The following FBXO27 variants were observed in gnomAD, a reference collection of about 807,000 sequenced individuals.
FBXO27 encodes the protein F-box protein 27.
In FBXO27, 28 loss-of-function variants were observed where a neutral mutation model predicts 28.3. The observed-to-expected ratio is 0.99, with a 90% CI of 0.73 to 1.36. The LOEUF (loss-of-function observed/expected upper bound fraction) is 1.36, where lower values mean the gene tolerates loss of function less well. FBXO27 is among the 40% of genes most tolerant of loss of function. FBXO27 has a pLI of 0.00. For missense variants in FBXO27, 388 were observed against 394.1 expected, an observed-to-expected ratio of 0.98 and a Z score of 0.13; for synonymous variants, 175 against 167.3, an observed-to-expected ratio of 1.05 and a Z score of -0.36.
At position 39,025,291 on chromosome 19, in the gene FBXO27, A is replaced by C; in HGVS notation, c.*120T>G. The C allele has an allele frequency of 4.5e-6, 6 of 1,339,810 alleles. No homozygotes were observed. Among genetic ancestry groups the C allele is most frequent in the Non-Finnish European group, 6.1e-6 (6 of 981,842 alleles). 83.0% of individuals were successfully genotyped at this position (1,339,810 alleles called of 1,614,324 possible). ...CCCGTCAGGGCCTTTGATTGGACCC[A>C]GGAATTCTCAGTATGCCAGGGAGGT... On this transcript the variant is annotated 3_prime_UTR_variant, in exon 6 of 6. Transcript: ENST00000292853.
At chr19:39,030,883 TA>T in intron 4 of FBXO27, 145 bp downstream of exon 4, 1 of 735,598 alleles carries the variant, frequency 1.4e-6, no homozygotes, top group Non-Finnish European at 2.4e-6. Flanking sequence ...GCTGGGATTA[TA>T]GGTGTGAGCC....
downstream of FBXO27, among the ~76,000 whole-genome samples, chr19:39,019,765 T>G (rs2072836896): frequency 6.6e-6 from 1 of 151,940 alleles, no homozygotes; most frequent in Non-Finnish European, 1.5e-5. Flanking sequence ...TGTTTGTTTG[T>G]TTTTGAGACA....
At chr19:39,027,272 A>G (rs1056824219) in intron 4 of FBXO27, among the ~76,000 whole-genome samples, 7 of 152,310 alleles carry the variant, frequency 4.6e-5, no homozygotes, top group Non-Finnish European at 7.3e-5. Context: ...GTCTCCGGAA[A>G]GACCCACAAT....
downstream of FBXO27, among the ~76,000 whole-genome samples, chr19:39,021,305 G>A (rs975436669): frequency 6.6e-6 from 1 of 152,092 alleles, no homozygotes; most frequent in African/African-American, 2.4e-5. Context: ...AAACTATGAT[G>A]TATTTCTGTA....
At chr19:39,023,199 G>C (rs770479555), downstream of FBXO27, among the ~76,000 whole-genome samples, 14 of 152,178 alleles carry the variant, frequency 9.2e-5, no homozygotes, top group Non-Finnish European at 1.8e-4. Context: ...GTCCCCCAGA[G>C]TACTGGGATT....
At chr19:39,006,849 C>T (rs1034127155) in intron 2 of FBXO27, among the ~76,000 whole-genome samples, 13 of 151,078 alleles carry the variant, frequency 8.6e-5, no homozygotes, top group African/African-American at 2.2e-4. Flanking sequence ...GAGGGTAAGG[C>T]GGGAAGATCA....
downstream of FBXO27, among the ~76,000 whole-genome samples, chr19:39,020,756 A>AAAAAAG: frequency 1.0e-4 from 1 of 9,872 alleles, no homozygotes; most frequent in East Asian, 4.3e-3. Flanking sequence ...TGGATATGGC[A>AAAAAAG]AAAAAAAAAA....
intron 1 of FBXO27, among the ~76,000 whole-genome samples, chr19:39,018,641 G>A (rs1365873067): frequency 6.6e-6 from 1 of 152,118 alleles, no homozygotes; most frequent in East Asian, 1.9e-4. Context: ...AGCTGCAGTT[G>A]CCTGACATTT....
chr19:39,008,850 T>C (rs1001783031), intron 2 of FBXO27, among the ~76,000 whole-genome samples: 3 of 152,226 alleles, frequency 2.0e-5, no homozygotes, highest in African/African-American at 7.2e-5. Context: ...AGACAGAGTC[T>C]CGCTCCATCG....
At chr19:39,010,886 A>G (rs1176382879) in intron 2 of FBXO27, among the ~76,000 whole-genome samples, 2 of 152,192 alleles carry the variant, frequency 1.3e-5, no homozygotes, top group Admixed American at 6.5e-5. Flanking sequence ...TTGGCCTTGA[A>G]TTCTTTCCTG....
At chr19:39,020,137 C>T (rs944952704), downstream of FBXO27, among the ~76,000 whole-genome samples, 8 of 151,990 alleles carry the variant, frequency 5.3e-5, no homozygotes, top group Non-Finnish European at 8.8e-5. Flanking sequence ...GGAAGAGAAG[C>T]AAGCACTTAA....
chr19:39,007,198 G>A (rs1388939534), intron 2 of FBXO27, among the ~76,000 whole-genome samples: 2 of 152,120 alleles, frequency 1.3e-5, no homozygotes, highest in East Asian at 3.9e-4. Flanking sequence ...CCCCAGTGTG[G>A]TGTTCCAGCC....
rs571565445 is a variant in FBXO27, at chr19:39,025,675, C to T, written c.709-121G>A. ...GGCTATAAAATCTCCAATTGGGCCA[C>T]ATGTTCTTCTAGAATCTTATAGAAT... On this transcript the variant is annotated intron_variant, in intron 5 of 5. Coordinates refer to ENST00000292853, the MANE Select transcript of FBXO27 (RefSeq NM_178820.5). 1,252 of 1,270,154 alleles carry T rather than the reference C, an allele frequency of 9.9e-4. 1 individual carries two copies. Among genetic ancestry groups the T allele is most frequent in the Non-Finnish European group, 1.3e-3 (1,197 of 937,968 alleles). The allele number at this position is 1,270,154 out of a possible 1,614,324, so 78.7% of individuals were successfully genotyped here.
chr19:39,007,621 C>CT (rs144095751), intron 2 of FBXO27, among the ~76,000 whole-genome samples: 1 of 151,852 alleles, frequency 6.6e-6, no homozygotes, highest in East Asian at 1.9e-4. Context: ...TGTGTTTGGG[C>CT]TTTTTTTCAA....
chr19:39,006,386 C>T (rs1210268144), intron 2 of FBXO27, among the ~76,000 whole-genome samples: 2 of 151,856 alleles, frequency 1.3e-5, no homozygotes, highest in African/African-American at 2.4e-5. Flanking sequence ...GGAGAAACCC[C>T]GTCTCTACTA....
chr19:39,008,988 T>G (rs1233541868), intron 2 of FBXO27, among the ~76,000 whole-genome samples: 1 of 152,124 alleles, frequency 6.6e-6, no homozygotes, highest in East Asian at 1.9e-4. Flanking sequence ...GCCCAGCTAA[T>G]TTTTTGTATT....
At chr19:39,019,176 G>A (rs887478428), downstream of FBXO27, among the ~76,000 whole-genome samples, 2 of 151,536 alleles carry the variant, frequency 1.3e-5, no homozygotes, top group Admixed American at 1.3e-4. Flanking sequence ...TGTAATCCCA[G>A]CACTTTGGGA....
intron 5 of FBXO27, 66 bp from the exon 6 acceptor site, chr19:39,025,620 C>G (rs2072869026): frequency 3.3e-6 from 5 of 1,526,062 alleles, no homozygotes; most frequent in Non-Finnish European, 3.5e-6. Flanking sequence ...GAGGTTAGGG[C>G]CTTCTGGAAG....
At chr19:39,010,631 G>A (rs1177120013) in intron 2 of FBXO27, among the ~76,000 whole-genome samples, 1 of 152,154 alleles carries the variant, frequency 6.6e-6, no homozygotes, top group South Asian at 2.1e-4. Context: ...AACACCAGGG[G>A]GTTATCCCCC....
Sources: gnomAD v4.1 joint callset for allele counts (sites outside exome capture counted in the v4.1 genomes callset) on GRCh38, gnomAD v4.1.1 for gene constraint, MANE v1.5 for transcripts, NCBI Gene and HGNC (gene_info 2026-07-23, HGNC 2026-07-21) for gene names.